The following MEIOC variants were observed in gnomAD, a reference collection of about 807,000 sequenced individuals.
MEIOC encodes the protein meiosis-specific coiled-coil domain-containing protein MEIOC.
Under a neutral mutation model 85.3 loss-of-function variants are expected in MEIOC, and 9 were observed. The ratio of observed to expected loss-of-function variants is 0.11; its 90% CI spans 0.06 to 0.18. The LOEUF is 0.18. Ranked by LOEUF, MEIOC falls within the 10% of genes least tolerant of loss-of-function variation. The pLI, the probability that MEIOC is intolerant of heterozygous loss-of-function variation, is 1.00. For synonymous variants in MEIOC, 365 were observed against 393.7 expected (o/e 0.93, Z 0.86); for missense variants, 898 against 1,129.4 (o/e 0.80, Z 2.94).
rs1175425651 is a variant in MEIOC at position 44,667,300 on chromosome 17, C to T, written c.1389C>T (p.Asn463=). Residue 463 remains asparagine, a synonymous_variant, in exon 5 of 8, where the codon AAC becomes AAT. Transcript: ENST00000409122. Reference sequence around the variant, plus strand: ...TTAAATCAGTGAATTTATTATCAAACTCAGCAACATCTTCAGGAGGTATCA... The same window carrying T: ...TTAAATCAGTGAATTTATTATCAAATTCAGCAACATCTTCAGGAGGTATCA... ...EYFKSVNLLS[N]SATSSGGINL... 1 of 1,613,664 alleles carries T rather than the reference C, an allele frequency of 6.2e-7. No homozygotes were observed. The highest frequency in any genetic ancestry group is 1.3e-5 in the African/African-American group (1 of 75,050).
At chr17:44,662,021 A>G (rs770092866) in intron 2 of MEIOC, among the ~76,000 whole-genome samples, 16 of 152,202 alleles carry the variant, frequency 1.1e-4, no homozygotes, top group Non-Finnish European at 2.2e-4. Flanking sequence ...TTTTATTGCA[A>G]TGCAGCCAAA....
intron 6 of MEIOC, chr17:44,670,635 G>A (rs1254730356): frequency 6.9e-6 from 1 of 144,682 alleles, no homozygotes; most frequent in African/African-American, 2.5e-5. Flanking sequence ...GACCTTCTGG[G>A]TTCAAGAGAT....
At position 44,666,934 on chromosome 17, in the gene MEIOC, A is replaced by G; in HGVS notation, c.1023A>G (p.Lys341=). 1.9e-6 allele frequency: 3 copies of G among 1,610,352 alleles called. No individual in the cohort carries two copies. Among genetic ancestry groups the G allele is most frequent in the Non-Finnish European group, 2.5e-6 (3 of 1,177,976 alleles). The change falls in exon 5 of 8, where the codon AAA becomes AAG. Residue 341 remains lysine (K), a synonymous_variant. Transcript: ENST00000409122. ...ATCCTAATAAGGCTAAGCTTAATAA[A>G]TGTTCAAATTTTAGTGTCCAAGATA... ...YVHPNKAKLN[K]CSNFSVQDSK...
At chr17:44,664,535 C>T (rs187468242) in intron 3 of MEIOC, among the ~76,000 whole-genome samples, 16 of 152,014 alleles carry the variant, frequency 1.1e-4, no homozygotes, top group Non-Finnish European at 2.1e-4. Flanking sequence ...GGATTAGGGA[C>T]GTTCAACCAA....
At chr17:44,670,417 A>G (rs1332974634) in intron 6 of MEIOC, 3 of 151,858 alleles carry the variant, frequency 2.0e-5, no homozygotes, top group Non-Finnish European at 4.4e-5. Flanking sequence ...TTAAAAAGCA[A>G]AAATCATTTT....
chr17:44,674,037 T>G lies in MEIOC; in HGVS notation c.2700T>G (p.Thr900=), dbSNP rs1370813961. 3 of 1,551,572 alleles carry G rather than the reference T, an allele frequency of 1.9e-6. No individual in the cohort carries two copies. Among genetic ancestry groups the G allele is most frequent in the Non-Finnish European group, 2.6e-6 (3 of 1,146,964 alleles). The change falls in exon 8 of 8, where the codon ACT becomes ACG. Residue 900 remains threonine (T), a synonymous_variant. Transcript: ENST00000409122. Reference sequence around the variant, plus strand: ...GTGTGGCTACTCGGAAAACACGCACTGCCCTGTGGTGTGCACTGCAGATGA... The same window carrying G: ...GTGTGGCTACTCGGAAAACACGCACGGCCCTGTGGTGTGCACTGCAGATGA... ...EMCVATRKTR[T]ALWCALQMTL...
In MEIOC at chr17:44,667,196, G is replaced by A. The variant is rs769724391; in HGVS notation, c.1285G>A (p.Ala429Thr). ...AGAATATGGACTAAAACCTCACACA[G>A]CTTGTCCCGCTAATGATTTTGCTAA... is the stretch of plus-strand genomic sequence containing the variant. ...TSEYGLKPHT[A>T]CPANDFANVT... is the part of the protein sequence containing the mutation. Residue 429 changes from alanine to threonine, a missense_variant, in exon 5 of 8, where the codon GCT becomes ACT. Ala to Thr is a moderately conservative substitution (Grantham distance 58). Around this residue, in one of 2 missense-constraint regions of MEIOC, gnomAD observed 734 missense variants for 860.1 expected, o/e 0.85. Coordinates refer to ENST00000409122, the MANE Select transcript of MEIOC (RefSeq NM_001145080.3). The A allele has an allele frequency of 6.2e-7, 1 of 1,613,902 alleles. No individual in the cohort carries two copies. Among genetic ancestry groups the A allele is most frequent in the Non-Finnish European group, 8.5e-7 (1 of 1,179,876 alleles).
At chr17:44,671,642 C>G (rs1216944133) in intron 6 of MEIOC, among the ~76,000 whole-genome samples, 4 of 151,962 alleles carry the variant, frequency 2.6e-5, no homozygotes, top group South Asian at 2.1e-4. Context: ...CGTGGTGGTT[C>G]ATGCCTGTAA....
intron 6 of MEIOC, chr17:44,670,538 C>CTTTGTTTTTTTTTTTTTTTTTTTTTTTTT (rs1971989139): frequency 1.4e-5 from 1 of 70,002 alleles, no homozygotes; most frequent in Non-Finnish European, 2.9e-5. Flanking sequence ...ACTATCTTTC[C>CTTTGTTTTTTTTTTTTTTTTTTTTTTTTT]TTTTTTTTTT....
chr17:44,660,429 G>A (rs1232142627), intron 2 of MEIOC, among the ~76,000 whole-genome samples: 1 of 151,812 alleles, frequency 6.6e-6, no homozygotes, highest in Non-Finnish European at 1.5e-5. Context: ...TTGTCGAAAC[G>A]GGCTTTCGCC....
rs996378370 is a variant in MEIOC at position 44,656,548 on chromosome 17, C to G, written c.-66C>G. On this transcript the variant is annotated 5_prime_UTR_variant, in exon 1 of 8. Transcript: ENST00000409122. ...GCGGGCTGAGGGAGCCGGGCCTGGACGCCCCCCCCATCACCCCCGTACCCC... is the reference window on the plus strand; with the variant it reads ...GCGGGCTGAGGGAGCCGGGCCTGGAGGCCCCCCCCATCACCCCCGTACCCC... The G allele has an allele frequency of 2.4e-6, 3 of 1,250,080 alleles. No individual in the cohort carries two copies. Among genetic ancestry groups the G allele is most frequent in the Non-Finnish European group, 3.1e-6 (3 of 956,400 alleles). The allele number at this position is 1,250,080 out of a possible 1,614,324, so 77.4% of individuals were successfully genotyped here.
chr17:44,661,288 C>CAAA lies in MEIOC; in HGVS notation c.205-1006_205-1004dup, dbSNP rs1186351387. On this transcript the variant is annotated intron_variant, in intron 2 of 7. Coordinates refer to ENST00000409122, the MANE Select transcript of MEIOC (RefSeq NM_001145080.3). Reference sequence around the variant, plus strand: ...GGGCAACAGAGCCAGACTCTTGTCTCAAAAAAAAAAAAAAAAAAAAAAAAA... The same window carrying CAAA: ...GGGCAACAGAGCCAGACTCTTGTCTCAAAAAAAAAAAAAAAAAAAAAAAAAAAA... Among the ~76,000 whole-genome samples the CAAA allele has an allele frequency of 1.6e-3, 88 of 53,962 alleles. 1 individual carries two copies. Among genetic ancestry groups the CAAA allele is most frequent in the East Asian group, 3.1e-3 (5 of 1,624 alleles). 35.4% of individuals were successfully genotyped at this position (53,962 alleles called of 152,430 possible). A position where few individuals can be genotyped will look rare whatever the true frequency, so the allele number is the denominator to read the frequency against.
At chr17:44,666,248 T>C in intron 4 of MEIOC, 128 bp from the exon 5 acceptor site, 1 of 724,592 alleles carries the variant, frequency 1.4e-6, no homozygotes, top group Non-Finnish European at 2.2e-6. Context: ...TAAAGCAGAG[T>C]TGAAAGGGAT....
chr17:44,658,787 C>T (rs1311977617), intron 2 of MEIOC, among the ~76,000 whole-genome samples: 1 of 143,826 alleles, frequency 7.0e-6, no homozygotes, highest in Non-Finnish European at 1.5e-5. Flanking sequence ...AGTGAGACTC[C>T]CTCTCAAAAA....
At chr17:44,662,193 G>A in intron 2 of MEIOC, 124 bp from the exon 3 acceptor site, 1 of 767,362 alleles carries the variant, frequency 1.3e-6, no homozygotes, top group Non-Finnish European at 2.1e-6. Flanking sequence ...AAGTCACTAA[G>A]TCTGCATTTG....
In MEIOC at chr17:44,673,450, G is replaced by A; in HGVS notation, c.2542G>A (p.Glu848Lys). Residue 848 changes from glutamate to lysine, a missense_variant, in exon 7 of 8, where the codon GAG (glutamate) becomes AAG (lysine). Transcript: ENST00000409122. ...CTCTACTGCTCTTGATAGACACTTG[G>A]AGTCTATTCACATTGTACAGTCACG... is the stretch of plus-strand genomic sequence containing the variant. ...SISTALDRHL[E>K]SIHIVQSRRK... 6.4e-7 allele frequency: 1 copy of A among 1,551,590 alleles called. No homozygotes were observed. The highest frequency in any genetic ancestry group is 8.7e-7 in the Non-Finnish European group (1 of 1,146,936).
rs182218474 is a variant in MEIOC, at chr17:44,674,140, G to A, written c.2803G>A (p.Glu935Lys). The A allele has an allele frequency of 1.3e-4, 200 of 1,551,688 alleles. 1 individual carries two copies. The African/African-American group carries it at 2.5e-3, about 20-fold the overall frequency. ...DTVNCEDKVH[E>K]SINSSNPMNQ... is the part of the protein sequence containing the mutation. ...AGTAAACTGTGAAGATAAAGTCCAT[G>A]AAAGCATAAATAGTAGCAATCCAAT... Residue 935 changes from glutamate (E) to lysine (K), a missense_variant, in exon 8 of 8, where the codon GAA becomes AAA. This residue lies in a region of MEIOC where 164 missense variants were observed against 269.2 expected (regional missense o/e 0.61). Coordinates refer to ENST00000409122, the MANE Select transcript of MEIOC (RefSeq NM_001145080.3).
Position 44,675,005 on chromosome 17 carries a change from AAAT to A in MEIOC, c.*813_*815del, listed in dbSNP as rs1338594575. ...TTTTAGACTTGATGCACAGTAACTG[AAAT>A]AATGACTACTGTTTTAATACCCTTA... On this transcript the variant is annotated 3_prime_UTR_variant, in exon 8 of 8. Coordinates refer to ENST00000409122, the MANE Select transcript of MEIOC (RefSeq NM_001145080.3). 1.1e-5 allele frequency: 11 copies of A among 983,862 alleles called. No homozygotes were observed. Among genetic ancestry groups the A allele is most frequent in the Non-Finnish European group, 1.2e-5 (10 of 828,602 alleles). The allele number at this position is 983,862 out of a possible 1,614,324, so 60.9% of individuals were successfully genotyped here. A position where few individuals can be genotyped will look rare whatever the true frequency, so the allele number is the denominator to read the frequency against.
rs1163392131 is a variant in MEIOC at position 44,667,370 on chromosome 17, A to C, written c.1459A>C (p.Thr487Pro). 4.3e-6 allele frequency: 7 copies of C among 1,613,614 alleles called. No homozygotes were observed. The highest frequency in any genetic ancestry group is 5.9e-6 in the Non-Finnish European group (7 of 1,179,826). Residue 487 changes from threonine to proline, a missense_variant, in exon 5 of 8, where the codon ACT becomes CCT. By Grantham distance (38) the Thr-to-Pro change is conservative. This residue lies in a region of MEIOC where 734 missense variants were observed against 860.1 expected (regional missense o/e 0.85). Transcript: ENST00000409122. The stretch of plus-strand genomic sequence containing the variant: ...GATGAATGTTCAAACAAAAAATAAC[A>C]CTCCTATTCCTTATCGAAATCAAGG... The part of the protein sequence containing the change: ...TWMNVQTKNN[T>P]PIPYRNQGNL...
Sources: gnomAD v4.1 joint callset for allele counts (sites outside exome capture counted in the v4.1 genomes callset) on GRCh38, gnomAD v4.1.1 for gene constraint, gnomAD v4.1.1 regional missense constraint, MANE v1.5 for transcripts, NCBI Gene and HGNC (gene_info 2026-07-23, HGNC 2026-07-21) for gene names.